The following GNG7 variants were observed in gnomAD, a reference collection of about 807,000 sequenced individuals.
GNG7 encodes G protein subunit gamma 7, also known as guanine nucleotide-binding protein G(I)/G(S)/G(O) subunit gamma-7.
Under a neutral mutation model 4.0 loss-of-function variants are expected in GNG7, and 1 was observed. The ratio of observed to expected loss-of-function variants is 0.25; its 90% CI spans 0.09 to 1.18. The LOEUF is 1.18. Among genes scored for constraint, GNG7 ranks in the 50% most tolerant of loss-of-function variants. GNG7 has a pLI of 0.50. For synonymous variants in GNG7, 34 were observed against 36.9 expected, an observed-to-expected ratio of 0.92 and a Z score of 0.29; for missense variants, 86 against 91.9, an observed-to-expected ratio of 0.94 and a Z score of 0.26.
intron 2 of GNG7, among the ~76,000 whole-genome samples, chr19:2,585,689 TA>T (rs1219571357): frequency 6.6e-6 from 1 of 152,146 alleles, no homozygotes; most frequent in Non-Finnish European, 1.5e-5. Flanking sequence ...TTCACCCTCA[TA>T]AAGTGTAAAA....
At chr19:2,632,429 C>CA (rs554194902) in intron 2 of GNG7, 1,691 of 82,932 alleles carry the variant, frequency 0.02, 21 homozygotes, top group African/African-American at 0.048. Flanking sequence ...AACTCCATCT[C>CA]AAAAAAAAAA....
rs920858417 is a variant in GNG7 at position 2,618,092 on chromosome 19, C to G, written c.-78+28132G>C. On this transcript the variant is annotated intron_variant, in intron 2 of 4. Transcript: ENST00000382159. The surrounding 1 kb of genome is among the most constrained non-coding windows in gnomAD (Gnocchi z 5.1). The stretch of plus-strand genomic sequence containing the variant: ...CTGTGTGACACATGCTCCCTGAGAA[C>G]AGGACTTGATTCCACCTGTATCAGG... Among the ~76,000 whole-genome samples, 1 of 152,192 alleles carries G rather than the reference C, an allele frequency of 6.6e-6. No homozygotes were observed. Among genetic ancestry groups the G allele is most frequent in the African/African-American group, 2.4e-5 (1 of 41,450 alleles).
chr19:2,680,093 G>A (rs532288138), intron 1 of GNG7, among the ~76,000 whole-genome samples: 23 of 151,294 alleles, frequency 1.5e-4, no homozygotes, highest in Non-Finnish European at 2.9e-4. Flanking sequence ...AGGGAGGATC[G>A]CTTAAGCCCA....
At chr19:2,638,449 G>A in intron 2 of GNG7, among the ~76,000 whole-genome samples, 1 of 45,636 alleles carries the variant, frequency 2.2e-5, no homozygotes. Flanking sequence ...GGAGGGGGAG[G>A]GGAGGGGGAG....
chr19:2,579,644 G>A (rs1980445589), intron 2 of GNG7, among the ~76,000 whole-genome samples: 1 of 152,228 alleles, frequency 6.6e-6, no homozygotes, highest in African/African-American at 2.4e-5. Flanking sequence ...TCGGGGACAT[G>A]CAAGGACAAG....
intron 2 of GNG7, among the ~76,000 whole-genome samples, chr19:2,622,858 A>C (rs1239497598): frequency 6.6e-6 from 1 of 152,270 alleles, no homozygotes; most frequent in Non-Finnish European, 1.5e-5. Context: ...ATGCGAGAGC[A>C]ACGTGGCAGA....
In GNG7 at chr19:2,539,844, T is replaced by TCCTTCCTGCCTCCCTC. The variant is rs1555691996; in HGVS notation, c.-38+15289_-38+15304dup. Among the ~76,000 whole-genome samples the TCCTTCCTGCCTCCCTC allele has an allele frequency of 8.1e-3, 826 of 102,534 alleles. 6 individuals are homozygous for TCCTTCCTGCCTCCCTC. Among genetic ancestry groups the TCCTTCCTGCCTCCCTC allele is most frequent in the Non-Finnish European group, 0.013 (642 of 47,572 alleles). 67.3% of individuals were successfully genotyped at this position (102,534 alleles called of 152,430 possible). On this transcript the variant is annotated intron_variant, in intron 3 of 4. Transcript: ENST00000382159. ...CGCAGGAACTCACACCTCTCCTTTC[T>TCCTTCCTGCCTCCCTC]CCTTCCTGCCTCCCTCCCTTCTTCT...
intron 2 of GNG7, among the ~76,000 whole-genome samples, chr19:2,588,032 C>A (rs1980729332): frequency 6.6e-6 from 1 of 152,130 alleles, no homozygotes; most frequent in South Asian, 2.1e-4. Context: ...GCCAGGGCAA[C>A]TGGGCATGAA....
intron 2 of GNG7, among the ~76,000 whole-genome samples, chr19:2,568,276 T>C (rs1052566141): frequency 2.2e-5 from 3 of 138,176 alleles, no homozygotes; most frequent in Non-Finnish European, 4.6e-5. Context: ...GAGACACATA[T>C]AGACTTACAC....
At chr19:2,549,293 G>GTTTTT (rs11439149) in intron 3 of GNG7, among the ~76,000 whole-genome samples, 1 of 144,620 alleles carries the variant, frequency 6.9e-6, no homozygotes. Context: ...ACAGGGCTGT[G>GTTTTT]TTTTTTTTTT....
intron 2 of GNG7, among the ~76,000 whole-genome samples, chr19:2,605,725 C>A (rs375403820): frequency 1.3e-5 from 2 of 150,294 alleles, no homozygotes; most frequent in Non-Finnish European, 3.0e-5. Flanking sequence ...TGTTGGCCAG[C>A]ATGGTCTCGA....
chr19:2,636,961 C>CGCCCACCTGCACTTCCGT (rs1274810926), intron 2 of GNG7, among the ~76,000 whole-genome samples: 14 of 151,220 alleles, frequency 9.3e-5, no homozygotes, highest in African/African-American at 3.4e-4. Context: ...TGCCCACCTG[C>CGCCCACCTGCACTTCCGT]GCCCACCTGC....
intron 2 of GNG7, among the ~76,000 whole-genome samples, chr19:2,574,822 C>T (rs1345992840): frequency 6.6e-6 from 1 of 152,192 alleles, no homozygotes; most frequent in Admixed American, 6.6e-5. Flanking sequence ...CCATCCCCAC[C>T]AGCCACGCAC....
chr19:2,682,655 C>CAAAA (rs745799326), intron 1 of GNG7, among the ~76,000 whole-genome samples: 32 of 64,282 alleles, frequency 5.0e-4, no homozygotes, highest in Non-Finnish European at 6.0e-4. Context: ...GACTCCATCT[C>CAAAA]AAAAAAAAAA....
At chr19:2,667,280 C>G (rs536565989) in intron 1 of GNG7, among the ~76,000 whole-genome samples, 1 of 152,216 alleles carries the variant, frequency 6.6e-6, no homozygotes, top group East Asian at 1.9e-4. Context: ...AGAGATCACG[C>G]CACTGCAACC....
chr19:2,648,501 T>C (rs1435561526), intron 1 of GNG7, among the ~76,000 whole-genome samples: 1 of 152,208 alleles, frequency 6.6e-6, no homozygotes. Context: ...GCAACTCTTC[T>C]GAAAATCTAA....
chr19:2,604,167 T>C (rs922638617), intron 2 of GNG7, among the ~76,000 whole-genome samples: 1 of 151,974 alleles, frequency 6.6e-6, no homozygotes, highest in African/African-American at 2.4e-5. Context: ...GTGCCTGTTT[T>C]AACACACTGA....
At chr19:2,541,953 C>T (rs1029925115) in intron 3 of GNG7, among the ~76,000 whole-genome samples, 1 of 151,624 alleles carries the variant, frequency 6.6e-6, no homozygotes, top group African/African-American at 2.4e-5. Context: ...TGATCAGGGC[C>T]GAGGGCTGAG....
In GNG7 at chr19:2,611,911, G is replaced by A. The variant is rs1981579090; in HGVS notation, c.-78+34313C>T. The A allele has an allele frequency of 6.6e-6, 1 of 150,902 alleles. No individual in the cohort carries two copies. The highest frequency in any genetic ancestry group is 2.4e-5 in the African/African-American group (1 of 41,000). 9.3% of individuals were successfully genotyped at this position (150,902 alleles called of 1,614,324 possible). On this transcript the variant is annotated intron_variant, in intron 2 of 4. Coordinates refer to ENST00000382159, the MANE Select transcript of GNG7 (RefSeq NM_052847.3). The surrounding 1 kb of genome is among the most constrained non-coding windows in gnomAD (Gnocchi z 6.0). ...TTTTTTTGAGATGGAGTCTCGCTCTGTCACCAGGCTGAAGTGCAGTAGTGT... is the reference window on the plus strand; with the variant it reads ...TTTTTTTGAGATGGAGTCTCGCTCTATCACCAGGCTGAAGTGCAGTAGTGT...
Sources: allele counts gnomAD v4.1 joint callset (sites outside exome capture counted in the v4.1 genomes callset), GRCh38; gene constraint gnomAD v4.1.1; non-coding constraint Gnocchi (gnomAD v3.1); transcripts MANE v1.5; gene names NCBI Gene and HGNC (gene_info 2026-07-23, HGNC 2026-07-21).